GJA5: variants seen among roughly 807,000 people sequenced by gnomAD.
GJA5 encodes gap junction protein alpha 5.
A neutral mutation model predicts 7.9 loss-of-function variants in GJA5; 3 were observed. The observed-to-expected ratio is 0.38, with a 90% CI of 0.17 to 0.99. GJA5 has a LOEUF of 0.99. Ranked by LOEUF, GJA5 falls within the 50% of genes least tolerant of loss-of-function variation. GJA5 has a pLI of 0.38. For missense variants in GJA5, 390 were observed against 457.9 expected (o/e 0.85, Z 1.35); for synonymous variants, 193 against 181.0 (o/e 1.07, Z -0.53).
At chr1:147,766,315 G>A (rs1005798992) in intron 1 of GJA5, among the ~76,000 whole-genome samples, 2 of 152,052 alleles carry the variant, frequency 1.3e-5, no homozygotes, top group Non-Finnish European at 2.9e-5. Context: ...TAAAAACAAC[G>A]ATGGATGAAT....
upstream of GJA5, among the ~76,000 whole-genome samples, chr1:147,763,737 A>T (rs1267799705): frequency 1.3e-5 from 2 of 152,220 alleles, no homozygotes; most frequent in East Asian, 3.8e-4. Flanking sequence ...GAATCATTTT[A>T]TGATTTTATT....
At chr1:147,767,930 T>C (rs1329557888) in intron 1 of GJA5, among the ~76,000 whole-genome samples, 1 of 152,136 alleles carries the variant, frequency 6.6e-6, no homozygotes, top group African/African-American at 2.4e-5. Flanking sequence ...GGATAGGGAG[T>C]TGATTGTAGG....
chr1:147,772,620 C>T (rs1664450404), intron 1 of GJA5, among the ~76,000 whole-genome samples: 1 of 152,094 alleles, frequency 6.6e-6, no homozygotes. Context: ...GAAAGGAGAC[C>T]TTCAGTGGGT....
chr1:147,772,628 G>A (rs1364594287), intron 1 of GJA5, among the ~76,000 whole-genome samples: 3 of 152,080 alleles, frequency 2.0e-5, no homozygotes, highest in Non-Finnish European at 4.4e-5. Flanking sequence ...ACCTTCAGTG[G>A]GTGCTTTCCT....
At chr1:147,771,773 T>C (rs1466825760) in intron 1 of GJA5, among the ~76,000 whole-genome samples, 9 of 152,266 alleles carry the variant, frequency 5.9e-5, no homozygotes, top group Non-Finnish European at 5.9e-5. Context: ...ACTGTGGTCA[T>C]TGGGACTCCT....
intron 1 of GJA5, among the ~76,000 whole-genome samples, chr1:147,773,065 G>A (rs1323879939): frequency 6.6e-6 from 1 of 152,086 alleles, no homozygotes; most frequent in African/African-American, 2.4e-5. Flanking sequence ...CTGCTGCTTC[G>A]CTAAACCTTC....
At chr1:147,761,194 C>T (rs1240760995), upstream of GJA5, among the ~76,000 whole-genome samples, 1 of 152,196 alleles carries the variant, frequency 6.6e-6, no homozygotes, top group Non-Finnish European at 1.5e-5. Context: ...AACAGGATGA[C>T]AAACGTCTCG....
intron 1 of GJA5, among the ~76,000 whole-genome samples, chr1:147,772,341 TC>T (rs1184660139): frequency 6.6e-6 from 1 of 152,164 alleles, no homozygotes; most frequent in Non-Finnish European, 1.5e-5. Flanking sequence ...GTGTTGCGCC[TC>T]CCTTTTTCAG....
chr1:147,759,187 A>T lies in GJA5; in HGVS notation c.52T>A (p.Ser18Thr). Residue 18 changes from serine to threonine, a missense_variant, in exon 2 of 2, where the codon TCG becomes ACG. By Grantham distance (58) the Ser-to-Thr change is moderately conservative. Around this residue, in one of 2 missense-constraint regions of GJA5, gnomAD observed 36 missense variants for 87.1 expected, o/e 0.41. Transcript: ENST00000579774. The part of the protein sequence containing the change: ...GNFLEEVHKH[S>T]TVVGKVWLTV... ...AGCCAGACCTTGCCTACCACGGTCG[A>T]GTGCTTGTGTACTTCCTCCAGGAAA... The T allele has an allele frequency of 1.2e-6, 2 of 1,614,118 alleles. No homozygotes were observed. The highest frequency in any genetic ancestry group is 1.7e-6 in the Non-Finnish European group (2 of 1,179,974).
intron 1 of GJA5, among the ~76,000 whole-genome samples, chr1:147,772,883 T>C (rs1664466006): frequency 6.6e-6 from 1 of 150,968 alleles, no homozygotes; most frequent in African/African-American, 2.4e-5. Flanking sequence ...TAAAACAGTG[T>C]TGGTTTTATT....
At chr1:147,764,922 T>A (rs1553227946), upstream of GJA5, among the ~76,000 whole-genome samples, 1 of 152,108 alleles carries the variant, frequency 6.6e-6, no homozygotes, top group African/African-American at 2.4e-5. Context: ...CTTCTCAAAG[T>A]TAAAAGCCCT....
upstream of GJA5, among the ~76,000 whole-genome samples, chr1:147,764,057 C>T (rs782338445): frequency 4.6e-5 from 7 of 152,150 alleles, no homozygotes; most frequent in East Asian, 5.8e-4. Context: ...TTGATCCTCC[C>T]GCCTTGGCCT....
upstream of GJA5, among the ~76,000 whole-genome samples, chr1:147,762,332 G>A (rs1393754919): frequency 1.3e-5 from 2 of 152,132 alleles, no homozygotes; most frequent in Admixed American, 1.3e-4. Flanking sequence ...AGTCCCTGAA[G>A]ACTTCTCCCT....
upstream of GJA5, among the ~76,000 whole-genome samples, chr1:147,761,314 A>G (rs587643841): frequency 3.9e-5 from 6 of 152,224 alleles, no homozygotes; most frequent in African/African-American, 1.2e-4. Flanking sequence ...TTTGCTGCCA[A>G]CGTGCTCCTG....
Position 147,758,136 on chromosome 1 carries a change from G to A in GJA5, c.*26C>T, listed in dbSNP as rs1427906156. 8.9e-6 allele frequency: 13 copies of A among 1,461,916 alleles called. No homozygotes were observed. The highest frequency in any genetic ancestry group is 1.2e-5 in the Non-Finnish European group (13 of 1,041,126). 90.6% of individuals were successfully genotyped at this position (1,461,916 alleles called of 1,614,324 possible). On this transcript the variant is annotated 3_prime_UTR_variant, in exon 2 of 2. Coordinates refer to ENST00000579774, the MANE Select transcript of GJA5 (RefSeq NM_181703.4). ...CTCTGAGCCTCCTTTGTTCCCACCT[G>A]GTCCTGATCCTCCCATAAAGGAGGG...
upstream of GJA5, among the ~76,000 whole-genome samples, chr1:147,761,660 T>C (rs1248762945): frequency 6.6e-6 from 1 of 152,194 alleles, no homozygotes; most frequent in African/African-American, 2.4e-5. Context: ...CCTCCAAATG[T>C]GGAAAATTGT....
chr1:147,768,212 G>A (rs1230369247), intron 1 of GJA5, among the ~76,000 whole-genome samples: 9 of 152,168 alleles, frequency 5.9e-5, no homozygotes, highest in African/African-American at 2.2e-4. Context: ...TCTTACTCTG[G>A]CCAGTGGCAC....
Position 147,759,152 on chromosome 1 carries a change from G to A in GJA5, c.87C>T (p.Leu29=), listed in dbSNP as rs1553227100. The A allele has an allele frequency of 6.2e-7, 1 of 1,613,774 alleles. No individual in the cohort carries two copies. The highest frequency in any genetic ancestry group is 8.5e-7 in the Non-Finnish European group (1 of 1,179,856). ...TVVGKVWLTV[L]FIFRMLVLGT... is the part of the protein sequence containing the mutation. ...CCAGCACGAGCATACGGAATATGAA[G>A]AGGACAGTGAGCCAGACCTTGCCTA... The change falls in exon 2 of 2, where the codon CTC becomes CTT. Residue 29 remains leucine (L), a synonymous_variant. Transcript: ENST00000579774.
At position 147,758,429 on chromosome 1, in the gene GJA5, G is replaced by T. The variant is rs782365692; in HGVS notation, c.810C>A (p.Cys270Ter). Reference protein sequence around the residue: ...SCTPPPDFNQCLENGPGGKFF... With the variant: ...SCTPPPDFNQ ...ATTTTCCCCCAGGGCCATTCTCCAGGCACTGATTAAAGTCGGGGGGTGGTG... is the reference window on the plus strand; with the variant it reads ...ATTTTCCCCCAGGGCCATTCTCCAGTCACTGATTAAAGTCGGGGGGTGGTG... Residue 270 changes from cysteine to a stop codon, truncating the protein, a stop_gained, in exon 2 of 2, where the codon TGC becomes TGA. Coordinates refer to ENST00000579774, the MANE Select transcript of GJA5 (RefSeq NM_181703.4). LOFTEE classifies it low-confidence loss of function (END_TRUNC). 6.2e-7 allele frequency: 1 copy of T among 1,614,180 alleles called. No homozygotes were observed. The highest frequency in any genetic ancestry group is 1.1e-5 in the South Asian group (1 of 91,084).
Sources: gnomAD v4.1 joint callset for allele counts (sites outside exome capture counted in the v4.1 genomes callset) on GRCh38, gnomAD v4.1.1 for gene constraint, gnomAD v4.1.1 regional missense constraint, MANE v1.5 for transcripts, NCBI Gene and HGNC (gene_info 2026-07-23, HGNC 2026-07-21) for gene names.